The following RBM33 variants were observed in gnomAD, a reference collection of about 807,000 sequenced individuals.
The protein encoded by RBM33 is RNA binding motif protein 33, also known as RNA-binding protein 33.
RBM33 carries 28 observed loss-of-function variants against 132.6 expected under a neutral mutation model. That is an observed-to-expected ratio of 0.21 (90% confidence interval 0.16 to 0.29). RBM33 has a LOEUF of 0.29. Among genes scored for constraint, RBM33 ranks in the 10% least tolerant of loss-of-function variants. RBM33 has a pLI of 1.00. For synonymous variants in RBM33, 634 were observed against 593.0 expected, an observed-to-expected ratio of 1.07 and a Z score of -1.01; for missense variants, 1,291 against 1,518.5, an observed-to-expected ratio of 0.85 and a Z score of 2.49.
At chr7:155,680,193 C>A (rs1427557301) in intron 4 of RBM33, among the ~76,000 whole-genome samples, 2 of 152,142 alleles carry the variant, frequency 1.3e-5, no homozygotes, top group Non-Finnish European at 2.9e-5. Context: ...GAACTCTTAG[C>A]AGTTTCTGTC....
At chr7:155,737,808 C>CA in intron 10 of RBM33, 146 bp downstream of exon 10, 1 of 965,756 alleles carries the variant, frequency 1.0e-6, no homozygotes, top group Non-Finnish European at 1.5e-6. Context: ...TTCTGCCTGT[C>CA]ATTTCAGGTG....
At chr7:155,710,894 A>G (rs973185192) in intron 7 of RBM33, among the ~76,000 whole-genome samples, 12 of 143,908 alleles carry the variant, frequency 8.3e-5, no homozygotes, top group African/African-American at 1.3e-4. Flanking sequence ...GGGCAGTTCA[A>G]TTCCCTGAAC....
At chr7:155,654,905 GTTC>G (rs1251589327) in intron 1 of RBM33, among the ~76,000 whole-genome samples, 2 of 152,138 alleles carry the variant, frequency 1.3e-5, no homozygotes, top group Non-Finnish European at 2.9e-5. Flanking sequence ...TGGTGGTGAT[GTTC>G]TTCTCCTAGT....
chr7:155,726,521 TAAAGA>T (rs1800799475), intron 9 of RBM33, among the ~76,000 whole-genome samples: 1 of 152,172 alleles, frequency 6.6e-6, no homozygotes, highest in African/African-American at 2.4e-5. Flanking sequence ...TAAAAGAATA[TAAAGA>T]AAAGCAAAAC....
intron 1 of RBM33, 81 bp downstream of exon 1, chr7:155,645,000 G>A: frequency 3.6e-6 from 4 of 1,117,582 alleles, no homozygotes; most frequent in Non-Finnish European, 4.9e-6. Context: ...TCCCCGCTTA[G>A]GAGAGGACGA....
At chr7:155,765,600 C>T (rs150534066) in intron 15 of RBM33, among the ~76,000 whole-genome samples, 44 of 152,288 alleles carry the variant, frequency 2.9e-4, no homozygotes, top group African/African-American at 9.4e-4. Flanking sequence ...CAACAGGATT[C>T]GGGTAGGCCA....
chr7:155,655,534 CTT>C (rs756948005), intron 1 of RBM33, among the ~76,000 whole-genome samples: 75 of 80,114 alleles, frequency 9.4e-4, no homozygotes, highest in Admixed American at 1.6e-3. Context: ...GGCTGTTTGC[CTT>C]TTTTTTTTTT....
intron 1 of RBM33, 49 bp downstream of exon 1, chr7:155,644,968 C>T (rs2116853814): frequency 7.0e-7 from 1 of 1,421,640 alleles, no homozygotes; most frequent in East Asian, 3.0e-5. Flanking sequence ...CCGCGGTGGG[C>T]GGGGGTGTAG....
At chr7:155,687,875 A>G (rs573677736) in intron 5 of RBM33, among the ~76,000 whole-genome samples, 171 of 152,222 alleles carry the variant, frequency 1.1e-3, no homozygotes, top group African/African-American at 3.4e-3. Flanking sequence ...TTTGGTTACT[A>G]TAGCCTTGTA....
intron 1 of RBM33, among the ~76,000 whole-genome samples, chr7:155,659,326 G>A (rs1435088271): frequency 6.6e-6 from 1 of 152,118 alleles, no homozygotes; most frequent in Non-Finnish European, 1.5e-5. Flanking sequence ...TATGCTTAAC[G>A]TGCTTTAGGA....
intron 2 of RBM33, among the ~76,000 whole-genome samples, chr7:155,665,648 C>G (rs1269604411): frequency 2.6e-5 from 4 of 152,122 alleles, no homozygotes; most frequent in Non-Finnish European, 5.9e-5. Flanking sequence ...TGGTATTTCA[C>G]TAATTTTAAC....
chr7:155,735,283 C>T (rs2117019520), intron 9 of RBM33, among the ~76,000 whole-genome samples: 1 of 152,286 alleles, frequency 6.6e-6, no homozygotes, highest in South Asian at 2.1e-4. Flanking sequence ...AAAACTTTGG[C>T]AGTGGGAGAA....
In RBM33 at chr7:155,775,175, C is replaced by T. The variant is rs1470995805; in HGVS notation, c.*134C>T. 1.4e-5 allele frequency: 11 copies of T among 806,200 alleles called. No individual in the cohort carries two copies. The highest frequency in any genetic ancestry group is 4.3e-5 in the South Asian group (3 of 70,318). The allele number at this position is 806,200 out of a possible 1,614,324, so 49.9% of individuals were successfully genotyped here. ...TGTCCTGCGTAACTGTTCTCCAGAG[C>T]GCCAGCCAGCCACGGGCCTGATTCC... On this transcript the variant is annotated 3_prime_UTR_variant, in exon 18 of 18. Transcript: ENST00000401878.
intron 9 of RBM33, among the ~76,000 whole-genome samples, chr7:155,735,689 C>T (rs1011262217): frequency 5.4e-5 from 1 of 18,484 alleles, no homozygotes; most frequent in Non-Finnish European, 1.1e-4. Context: ...GAGCAAGACC[C>T]TGTCTCTCTC....
At chr7:155,771,459 A>G (rs988823683) in intron 16 of RBM33, among the ~76,000 whole-genome samples, 22 of 152,214 alleles carry the variant, frequency 1.4e-4, no homozygotes, top group South Asian at 8.3e-4. Context: ...ACGCTTGTTC[A>G]TTATGTTGAG....
intron 9 of RBM33, among the ~76,000 whole-genome samples, chr7:155,731,265 C>T (rs892859381): frequency 6.6e-6 from 1 of 152,158 alleles, no homozygotes; most frequent in African/African-American, 2.4e-5. Context: ...CTGCAGCAGC[C>T]GCATGGCCAG....
At chr7:155,670,064 G>T (rs902465734) in intron 2 of RBM33, among the ~76,000 whole-genome samples, 1 of 152,228 alleles carries the variant, frequency 6.6e-6, no homozygotes, top group Non-Finnish European at 1.5e-5. Context: ...GTTTTGAAAG[G>T]CTGTAGCCAA....
intron 5 of RBM33, among the ~76,000 whole-genome samples, chr7:155,683,330 A>G (rs555081567): frequency 2.0e-5 from 3 of 152,354 alleles, no homozygotes; most frequent in African/African-American, 4.8e-5. Context: ...TTTATTCACC[A>G]TTAGACTAAT....
At chr7:155,666,135 A>T (rs61492074) in intron 2 of RBM33, among the ~76,000 whole-genome samples, 1 of 151,924 alleles carries the variant, frequency 6.6e-6, no homozygotes, top group Non-Finnish European at 1.5e-5. Flanking sequence ...AAGATTCATT[A>T]TGAAGGACTG....
Sources: allele counts gnomAD v4.1 joint callset (sites outside exome capture counted in the v4.1 genomes callset), GRCh38; gene constraint gnomAD v4.1.1; transcripts MANE v1.5; gene names NCBI Gene and HGNC (gene_info 2026-07-23, HGNC 2026-07-21).